The following DAB1 variants were observed in gnomAD, a reference collection of about 807,000 sequenced individuals.
The protein encoded by DAB1 is DAB adaptor protein 1.
A neutral mutation model predicts 64.6 loss-of-function variants in DAB1; 15 were observed. The ratio of observed to expected loss-of-function variants is 0.23; its 90% CI spans 0.16 to 0.36. The LOEUF (loss-of-function observed/expected upper bound fraction) is 0.36, where lower values mean the gene tolerates loss of function less well. Ranked by LOEUF, DAB1 falls within the 10% of genes least tolerant of loss-of-function variation. The probability of loss-of-function intolerance (pLI) is 1.00; values close to 1 mark genes in which losing one functional copy is unlikely to be tolerated. For synonymous variants in DAB1, 235 were observed against 251.9 expected, an observed-to-expected ratio of 0.93 and a Z score of 0.64; for missense variants, 596 against 706.7, an observed-to-expected ratio of 0.84 and a Z score of 1.78.
chr1:57,142,552 G>T (rs1658701297), intron 3 of DAB1, among the ~76,000 whole-genome samples: 1 of 151,192 alleles, frequency 6.6e-6, no homozygotes, highest in Non-Finnish European at 1.5e-5. Flanking sequence ...GGGCTTTGGG[G>T]ACCTCATGGT....
At chr1:58,438,061 C>G (rs12086988) in intron 3 of DAB1, among the ~76,000 whole-genome samples, 10,232 of 152,176 alleles carry the variant, frequency 0.067, 468 homozygotes, top group African/African-American at 0.14. Context: ...GAGAAAGAAT[C>G]TGACTGTGTG....
intron 1 of DAB1, among the ~76,000 whole-genome samples, chr1:57,318,155 CAAA>C (rs3042914): frequency 9.7e-6 from 1 of 103,438 alleles, no homozygotes; most frequent in Admixed American, 1.1e-4. Flanking sequence ...AGCTGCAACT[CAAA>C]AAAAAAAAAA....
chr1:57,707,342 G>A (rs1570756248), intron 6 of DAB1, among the ~76,000 whole-genome samples: 1 of 144,496 alleles, frequency 6.9e-6, no homozygotes. Context: ...GTGTGAATAA[G>A]AAAATAAGAA....
intron 7 of DAB1, among the ~76,000 whole-genome samples, chr1:57,546,962 A>C (rs1644862355): frequency 6.6e-6 from 1 of 152,176 alleles, no homozygotes; most frequent in South Asian, 2.1e-4. Context: ...TGCAGGTTCA[A>C]ATTTTTTCTA....
chr1:58,483,007 T>C (rs1215725334), intron 3 of DAB1, among the ~76,000 whole-genome samples: 1 of 152,214 alleles, frequency 6.6e-6, no homozygotes, highest in Non-Finnish European at 1.5e-5. Flanking sequence ...GTCAAGCTAA[T>C]ACACTACTAC....
At chr1:57,908,005 C>T (rs1406635546) in intron 5 of DAB1, among the ~76,000 whole-genome samples, 1 of 151,738 alleles carries the variant, frequency 6.6e-6, no homozygotes, top group East Asian at 1.9e-4. Context: ...AGTCCTCTCC[C>T]CTACTTGATC....
chr1:57,212,042 A>G (rs1666051000), intron 2 of DAB1, among the ~76,000 whole-genome samples: 1 of 152,234 alleles, frequency 6.6e-6, no homozygotes. Flanking sequence ...TGTTGCTACA[A>G]TAGACCTCTA....
intron 9 of DAB1, among the ~76,000 whole-genome samples, chr1:57,057,810 GTA>G (rs924172163): frequency 5.7e-4 from 86 of 151,590 alleles, no homozygotes; most frequent in Middle Eastern, 3.4e-3. Context: ...GGGTTTCACT[GTA>G]TTAGCCAGGA....
At chr1:58,011,750 C>A (rs191326148) in intron 5 of DAB1, among the ~76,000 whole-genome samples, 2 of 152,190 alleles carry the variant, frequency 1.3e-5, no homozygotes, top group African/African-American at 4.8e-5. Flanking sequence ...TGCAGTGGTG[C>A]GATCTCAGCT....
At chr1:58,449,756 T>C (rs1418609404) in intron 3 of DAB1, among the ~76,000 whole-genome samples, 2 of 151,798 alleles carry the variant, frequency 1.3e-5, no homozygotes, top group East Asian at 3.9e-4. Flanking sequence ...CAGGCGGCTG[T>C]TTCCTTACAG....
intron 3 of DAB1, among the ~76,000 whole-genome samples, chr1:58,404,511 C>T (rs1644598811): frequency 6.6e-6 from 1 of 152,224 alleles, no homozygotes; most frequent in African/African-American, 2.4e-5. Flanking sequence ...AGGGCAGCAT[C>T]CCTTGTCAGC....
At chr1:58,469,660 C>A (rs4912193) in intron 3 of DAB1, among the ~76,000 whole-genome samples, 44,342 of 152,008 alleles carry the variant, frequency 0.29, 7,133 homozygotes, top group Non-Finnish European at 0.36. Flanking sequence ...CAGTCCCAAG[C>A]GCTTACAAGG....
chr1:58,126,319 G>T (rs988422570), intron 5 of DAB1, among the ~76,000 whole-genome samples: 8 of 152,128 alleles, frequency 5.3e-5, no homozygotes, highest in Non-Finnish European at 1.0e-4. Flanking sequence ...TTCCCCCAGG[G>T]CTCTCCGCAG....
chr1:58,088,276 T>C (rs544173362), intron 5 of DAB1, among the ~76,000 whole-genome samples: 1 of 152,320 alleles, frequency 6.6e-6, no homozygotes, highest in African/African-American at 2.4e-5. Context: ...AAGACTTTTA[T>C]AGAGTATATT....
intron 4 of DAB1, among the ~76,000 whole-genome samples, chr1:58,256,899 G>T (rs1660945220): frequency 6.6e-6 from 1 of 152,156 alleles, no homozygotes; most frequent in Non-Finnish European, 1.5e-5. Context: ...TTATGGTCAG[G>T]CAATTAATTT....
At chr1:58,308,347 G>A (rs1356137687) in intron 4 of DAB1, among the ~76,000 whole-genome samples, 1 of 152,048 alleles carries the variant, frequency 6.6e-6, no homozygotes, top group Non-Finnish European at 1.5e-5. Flanking sequence ...CACTTTAAAT[G>A]CAAATATTCT....
intron 7 of DAB1, among the ~76,000 whole-genome samples, chr1:57,564,897 A>G (rs1156460441): frequency 6.6e-6 from 1 of 152,198 alleles, no homozygotes; most frequent in Admixed American, 6.5e-5. Flanking sequence ...AGGCAGGCCA[A>G]CATTCACATT....
intron 2 of DAB1, among the ~76,000 whole-genome samples, chr1:57,281,792 C>T (rs985846879): frequency 8.5e-5 from 13 of 152,092 alleles, no homozygotes; most frequent in Admixed American, 3.3e-4. Context: ...GAACTACCTT[C>T]GGGGACGGGG....
At chr1:57,367,127 T>TAAAATAAAAA (rs1680122978) in intron 1 of DAB1, among the ~76,000 whole-genome samples, 1 of 134,308 alleles carries the variant, frequency 7.4e-6, no homozygotes, top group Non-Finnish European at 1.7e-5. Flanking sequence ...ATAAATAAAT[T>TAAAATAAAAA]AGCCAGGCAT....
Sources: gnomAD v4.1 joint callset for allele counts (sites outside exome capture counted in the v4.1 genomes callset) on GRCh38, gnomAD v4.1.1 for gene constraint, MANE v1.5 for transcripts, NCBI Gene and HGNC (gene_info 2026-07-23, HGNC 2026-07-21) for gene names.